Variants in PCDHAC1 observed in about 807,000 individuals in gnomAD.
PCDHAC1 encodes protocadherin alpha-C1.
PCDHAC1 carries 42 observed loss-of-function variants against 60.0 expected under a neutral mutation model. The observed-to-expected ratio is 0.70, with a 90% CI of 0.55 to 0.90. PCDHAC1 has a LOEUF of 0.90. Among genes scored for constraint, PCDHAC1 ranks in the 40% least tolerant of loss-of-function variants. The pLI is 0.00. For synonymous variants in PCDHAC1, 468 were observed against 499.3 expected (o/e 0.94, Z 0.84); for missense variants, 1,160 against 1,222.3 (o/e 0.95, Z 0.76).
chr5:140,995,466 T>A (rs1325738929), intron 3 of PCDHAC1, among the ~76,000 whole-genome samples: 1 of 152,196 alleles, frequency 6.6e-6, no homozygotes, highest in Non-Finnish European at 1.5e-5. Flanking sequence ...ATTTTTGAAA[T>A]TTTTCATTTA....
chr5:140,990,649 T>C (rs1465284882), intron 3 of PCDHAC1, among the ~76,000 whole-genome samples: 1 of 152,212 alleles, frequency 6.6e-6, no homozygotes, highest in African/African-American at 2.4e-5. Context: ...TCAGCCAGTA[T>C]GAATGATTTA....
At chr5:140,939,262 T>G (rs1371349789) in intron 1 of PCDHAC1, among the ~76,000 whole-genome samples, 1 of 152,146 alleles carries the variant, frequency 6.6e-6, no homozygotes, top group Non-Finnish European at 1.5e-5. Context: ...GGAACCTCTT[T>G]TATGAGAGCT....
intron 1 of PCDHAC1, among the ~76,000 whole-genome samples, chr5:140,952,338 CAAAAA>C (rs55931446): frequency 7.4e-5 from 10 of 135,008 alleles, no homozygotes; most frequent in Admixed American, 1.5e-4. Context: ...AACTCCATCT[CAAAAA>C]AAAAAAAAAA....
rs782544510 is a variant in PCDHAC1, at chr5:140,929,174, G to A, written c.2282G>A (p.Gly761Glu). The A allele has an allele frequency of 1.2e-6, 2 of 1,614,140 alleles. No homozygotes were observed. Among genetic ancestry groups the A allele is most frequent in the East Asian group, 4.5e-5 (2 of 44,882 alleles). The change falls in exon 1 of 4, where the codon GGA (glycine) becomes GAA (glutamate). Residue 761 changes from glycine to glutamate, a missense_variant. Coordinates refer to ENST00000253807, the MANE Select transcript of PCDHAC1 (RefSeq NM_018898.5). ...ACTTATCTCTATCGGGCCTCTCTGG[G>A]ACTTGGTTCTGATAATAACAGTTTG... ...SQTYLYRASL[G>E]LGSDNNSLLL... is the part of the protein sequence containing the mutation.
chr5:140,937,492 C>T (rs1390017602), intron 1 of PCDHAC1, among the ~76,000 whole-genome samples: 1 of 152,054 alleles, frequency 6.6e-6, no homozygotes, highest in African/African-American at 2.4e-5. Context: ...TGGCACATAC[C>T]CGTAATCCCA....
intron 1 of PCDHAC1, among the ~76,000 whole-genome samples, chr5:140,964,685 A>G (rs1209867922): frequency 1.3e-5 from 2 of 152,036 alleles, no homozygotes; most frequent in African/African-American, 4.8e-5. Context: ...CAATTTGTGC[A>G]CTTGAGAGAT....
intron 3 of PCDHAC1, among the ~76,000 whole-genome samples, chr5:141,000,680 T>C (rs953789526): frequency 1.3e-5 from 2 of 151,376 alleles, no homozygotes; most frequent in African/African-American, 2.4e-5. Flanking sequence ...CACCTGCCTC[T>C]GCCTCCCAAA....
intron 3 of PCDHAC1, among the ~76,000 whole-genome samples, chr5:140,995,128 C>T (rs2097665772): frequency 6.6e-6 from 1 of 152,146 alleles, no homozygotes; most frequent in African/African-American, 2.4e-5. Context: ...ATGCCTGAAA[C>T]CTCATTTAGT....
chr5:140,998,629 A>G (rs989469969), intron 3 of PCDHAC1, among the ~76,000 whole-genome samples: 3 of 152,064 alleles, frequency 2.0e-5, no homozygotes, highest in African/African-American at 7.2e-5. Context: ...CAATGGCACA[A>G]TCTCAGCTCA....
chr5:140,974,744 T>A (rs966437450), intron 1 of PCDHAC1, among the ~76,000 whole-genome samples: 11 of 152,144 alleles, frequency 7.2e-5, no homozygotes, highest in African/African-American at 2.4e-4. Context: ...CACCTTGGCC[T>A]CCCAAAGTGC....
At chr5:140,982,391 G>T (rs539713475) in intron 2 of PCDHAC1, 84 bp from the exon 3 acceptor site, 2 of 1,597,556 alleles carry the variant, frequency 1.3e-6, no homozygotes, top group South Asian at 1.1e-5. Flanking sequence ...TGGCTTCATA[G>T]TTGTAAGCAA....
chr5:140,968,996 G>A, intron 1 of PCDHAC1: 1 of 1,614,202 alleles, frequency 6.2e-7, no homozygotes, highest in Non-Finnish European at 8.5e-7. Flanking sequence ...ATGCTGTGGA[G>A]GCTTCTGTGG....
intron 1 of PCDHAC1, chr5:140,966,896 C>G (rs910624863): frequency 6.3e-6 from 10 of 1,596,816 alleles, no homozygotes; most frequent in Non-Finnish European, 8.5e-6. Flanking sequence ...GGCCTCCCAG[C>G]TGCGATACTC....
In PCDHAC1 at chr5:140,977,999, G is replaced by A. The variant is rs1185111218; in HGVS notation, c.2434-950G>A. Among the ~76,000 whole-genome samples the A allele has an allele frequency of 1.3e-5, 2 of 152,132 alleles. 1 individual carries two copies. The highest frequency in any genetic ancestry group is 4.8e-5 in the African/African-American group (2 of 41,406). ...AAACGCATCTAGAGGAGTGTCACAA[G>A]TTTTTCACAGTGACATTTTTGCTTA... On this transcript the variant is annotated intron_variant, in intron 1 of 3. Coordinates refer to ENST00000253807, the MANE Select transcript of PCDHAC1 (RefSeq NM_018898.5).
chr5:140,982,678 C>T (rs781968397), intron 3 of PCDHAC1, 115 bp downstream of exon 3: 29 of 1,438,778 alleles, frequency 2.0e-5, no homozygotes, highest in Non-Finnish European at 2.6e-5. Context: ...TTTGTTATTC[C>T]CTTTTTTCCA....
rs781992926 is a variant in PCDHAC1 at position 140,990,008 on chromosome 5, G to A, written c.2581+7445G>A. On this transcript the variant is annotated intron_variant, in intron 3 of 3. Coordinates refer to ENST00000253807, the MANE Select transcript of PCDHAC1 (RefSeq NM_018898.5). ...CCTGAAATTGTCTATCTCCAAGGGCGTGGGCTAGGCAAAGGATGGGAGAAG... is the reference window on the plus strand; with the variant it reads ...CCTGAAATTGTCTATCTCCAAGGGCATGGGCTAGGCAAAGGATGGGAGAAG... Among the ~76,000 whole-genome samples the A allele has an allele frequency of 2.8e-4, 43 of 152,230 alleles. 1 individual carries two copies. The highest frequency in any genetic ancestry group is 9.1e-4 in the African/African-American group (38 of 41,532).
Position 141,011,113 on chromosome 5 carries a change from GAAAC to G in PCDHAC1, c.*1179_*1182del, listed in dbSNP as rs1378492452. 6.5e-6 allele frequency: 1 copy of G among 153,504 alleles called. No homozygotes were observed. The highest frequency in any genetic ancestry group is 2.4e-5 in the African/African-American group (1 of 41,342). 9.5% of individuals were successfully genotyped at this position (153,504 alleles called of 1,614,324 possible). A position where few individuals can be genotyped will look rare whatever the true frequency, so the allele number is the denominator to read the frequency against. ...TTCTCTCTCTCTCTCTCTTTTCTAA[GAAAC>G]AATTATGTGCACTTTGATACACAAC... On this transcript the variant is annotated 3_prime_UTR_variant, in exon 4 of 4. Coordinates refer to ENST00000253807, the MANE Select transcript of PCDHAC1 (RefSeq NM_018898.5).
chr5:140,933,646 A>G (rs1459396156), intron 1 of PCDHAC1, among the ~76,000 whole-genome samples: 16 of 152,120 alleles, frequency 1.1e-4, no homozygotes, highest in African/African-American at 3.9e-4. Flanking sequence ...AACAAGTTGG[A>G]AATCCTGTCT....
At position 140,990,371 on chromosome 5, in the gene PCDHAC1, A is replaced by G. The variant is rs570757505; in HGVS notation, c.2581+7808A>G. Reference sequence around the variant, plus strand: ...CCTGTACAGAAAATCTAATAAAGCAAATTTGTTGGTGATGTTCCAAGAAGG... The same window carrying G: ...CCTGTACAGAAAATCTAATAAAGCAGATTTGTTGGTGATGTTCCAAGAAGG... On this transcript the variant is annotated intron_variant, in intron 3 of 3. Coordinates refer to ENST00000253807, the MANE Select transcript of PCDHAC1 (RefSeq NM_018898.5). 7.2e-5 allele frequency among the ~76,000 whole-genome samples: 11 copies of G among 152,154 alleles called. No homozygotes were observed. The East Asian group carries it at 1.9e-3, about 27-fold the overall frequency.
Sources: gnomAD v4.1 joint callset for allele counts (sites outside exome capture counted in the v4.1 genomes callset) on GRCh38, gnomAD v4.1.1 for gene constraint, MANE v1.5 for transcripts, NCBI Gene and HGNC (gene_info 2026-07-23, HGNC 2026-07-21) for gene names.